Variants in BLOC1S3 observed in about 807,000 individuals in gnomAD.
BLOC1S3 encodes biogenesis of lysosomal organelles complex 1 subunit 3.
BLOC1S3 carries 7 observed loss-of-function variants against 9.1 expected under a neutral mutation model. The observed-to-expected ratio is 0.77, with a 90% CI of 0.44 to 1.45. BLOC1S3 has a LOEUF of 1.45. BLOC1S3 is among the 40% of genes most tolerant of loss of function. The pLI is 0.01. For synonymous variants in BLOC1S3, 145 were observed against 158.4 expected (o/e 0.92, Z 0.64); for missense variants, 307 against 315.2 (o/e 0.97, Z 0.20).
chr19:45,216,350 G>A (rs563377377), intron 3 of BLOC1S3, among the ~76,000 whole-genome samples: 8 of 152,224 alleles, frequency 5.3e-5, no homozygotes, highest in East Asian at 1.9e-4. Flanking sequence ...AGGCCGAGGC[G>A]GGTGGATCAC....
At chr19:45,215,889 AGCAGCGGCG>A (rs1442288022) in intron 3 of BLOC1S3, among the ~76,000 whole-genome samples, 1 of 152,154 alleles carries the variant, frequency 6.6e-6, no homozygotes, top group Non-Finnish European at 1.5e-5. Flanking sequence ...CGGCGGAGGC[AGCAGCGGCG>A]GCAGGAGAAG....
At position 45,180,003 on chromosome 19, in the gene BLOC1S3, C is replaced by A; in HGVS notation, c.*98C>A. ...CCTGTGTCTCTTATCACCCCCCACCCCCGCTCCCATCTTGGTGTCACCCAT... is the reference window on the plus strand; with the variant it reads ...CCTGTGTCTCTTATCACCCCCCACCACCGCTCCCATCTTGGTGTCACCCAT... On this transcript the variant is annotated 3_prime_UTR_variant, in exon 2 of 2. Coordinates refer to ENST00000433642, the MANE Select transcript of BLOC1S3 (RefSeq NM_212550.5). The A allele has an allele frequency of 7.1e-7, 1 of 1,411,490 alleles. No homozygotes were observed. The highest frequency in any genetic ancestry group is 9.6e-7 in the Non-Finnish European group (1 of 1,037,828). The allele number at this position is 1,411,490 out of a possible 1,614,324, so 87.4% of individuals were successfully genotyped here. A position where few individuals can be genotyped will look rare whatever the true frequency, so the allele number is the denominator to read the frequency against.
At chr19:45,195,078 C>T (rs191165182) in intron 2 of BLOC1S3, among the ~76,000 whole-genome samples, 7 of 151,908 alleles carry the variant, frequency 4.6e-5, no homozygotes, top group Admixed American at 3.3e-4. Context: ...TACAGGCATG[C>T]GCCAGCACGT....
At chr19:45,185,219 A>G (rs988034949), downstream of BLOC1S3, among the ~76,000 whole-genome samples, 5 of 152,154 alleles carry the variant, frequency 3.3e-5, no homozygotes, top group African/African-American at 1.2e-4. Flanking sequence ...ACTGCCTGGG[A>G]ACTGGTCTGT....
At chr19:45,208,998 G>C (rs1445188441) in intron 3 of BLOC1S3, among the ~76,000 whole-genome samples, 1 of 152,028 alleles carries the variant, frequency 6.6e-6, no homozygotes, top group Non-Finnish European at 1.5e-5. Context: ...TCAGTTAGGA[G>C]GAGTAAGTTC....
chr19:45,207,187 C>G (rs978355506), intron 3 of BLOC1S3, among the ~76,000 whole-genome samples: 1 of 151,526 alleles, frequency 6.6e-6, no homozygotes, highest in African/African-American at 2.4e-5. Context: ...GGCTGGAATG[C>G]AGTGGCACGA....
chr19:45,215,954 C>T (rs1230431672), intron 3 of BLOC1S3: 28 of 1,413,586 alleles, frequency 2.0e-5, no homozygotes, highest in East Asian at 4.8e-5. Flanking sequence ...AGGAAACGGC[C>T]GTCAGACACG....
downstream of BLOC1S3, among the ~76,000 whole-genome samples, chr19:45,182,888 G>A (rs1969536485): frequency 6.6e-6 from 1 of 152,126 alleles, no homozygotes; most frequent in Admixed American, 6.6e-5. Flanking sequence ...GGAGCTTTAT[G>A]AAGGTGGAGC....
At chr19:45,202,388 T>G (rs930639848) in intron 2 of BLOC1S3, 4 of 154,376 alleles carry the variant, frequency 2.6e-5, no homozygotes, top group Non-Finnish European at 4.3e-5. Context: ...CACTCTTCCC[T>G]CACTTTTCCT....
chr19:45,208,219 T>A lies in BLOC1S3; in HGVS notation n.282+5712T>A, dbSNP rs573737678. On this transcript the variant is annotated intron_variant and non_coding_transcript_variant, in intron 3 of 3. Coordinates refer to the BLOC1S3 transcript ENST00000591569. Reference sequence around the variant, plus strand: ...GAACTCCTGATCTCGTGATCTGCCCTCCTTGACCTCCCAAAGTGCTGGGAT... The same window carrying A: ...GAACTCCTGATCTCGTGATCTGCCCACCTTGACCTCCCAAAGTGCTGGGAT... Among the ~76,000 whole-genome samples the A allele has an allele frequency of 2.6e-5, 4 of 151,188 alleles. No homozygotes were observed. In the East Asian group the frequency reaches 8.0e-4, roughly 30 times the overall value.
chr19:45,197,906 G>A (rs891663901), intron 2 of BLOC1S3, among the ~76,000 whole-genome samples: 5 of 150,026 alleles, frequency 3.3e-5, no homozygotes, highest in African/African-American at 1.2e-4. Flanking sequence ...CCCTCCTGAA[G>A]CACTAGACAG....
At chr19:45,206,838 A>AC (rs1969731291) in intron 3 of BLOC1S3, among the ~76,000 whole-genome samples, 1 of 151,144 alleles carries the variant, frequency 6.6e-6, no homozygotes, top group South Asian at 2.1e-4. Context: ...TTGTTTTATT[A>AC]TTTTATTTAT....
intron 3 of BLOC1S3, among the ~76,000 whole-genome samples, chr19:45,203,285 T>G (rs573930621): frequency 1.1e-3 from 167 of 152,048 alleles, no homozygotes; most frequent in African/African-American, 2.0e-3. Flanking sequence ...TTTATTTATT[T>G]ATTTATTTGA....
rs71338753 is a variant in BLOC1S3, at chr19:45,189,596, C to CTT, written n.180+1873_180+1874dup. On this transcript the variant is annotated intron_variant and non_coding_transcript_variant, in intron 2 of 3. Transcript: ENST00000591569. The stretch of plus-strand genomic sequence containing the variant: ...TATAGGCATGTGCCACCAAGCCTGG[C>CTT]TTTTTTTTTTTTTTTTTTGGTATTT... Among the ~76,000 whole-genome samples the CTT allele has an allele frequency of 2.1e-3, 240 of 115,996 alleles. 2 individuals are homozygous for CTT. Among genetic ancestry groups the CTT allele is most frequent in the African/African-American group, 7.2e-3 (225 of 31,232 alleles). 76.1% of individuals were successfully genotyped at this position (115,996 alleles called of 152,430 possible). A position where few individuals can be genotyped will look rare whatever the true frequency, so the allele number is the denominator to read the frequency against.
Position 45,190,946 on chromosome 19 carries a change from C to T in BLOC1S3, n.180+3206C>T, listed in dbSNP as rs1165390505. On this transcript the variant is annotated intron_variant and non_coding_transcript_variant, in intron 2 of 3. Transcript: ENST00000591569. The stretch of plus-strand genomic sequence containing the variant: ...TCAGCCTCCTGAGTAGCTGGGACCA[C>T]AGGCACCCGACACCACGCCCGGCTA... Among the ~76,000 whole-genome samples the T allele has an allele frequency of 3.3e-5, 5 of 150,226 alleles. No individual in the cohort carries two copies. The East Asian group carries it at 7.8e-4, about 23-fold the overall frequency.
At chr19:45,185,838 G>A (rs1969562304), downstream of BLOC1S3, among the ~76,000 whole-genome samples, 1 of 151,998 alleles carries the variant, frequency 6.6e-6, no homozygotes, top group Non-Finnish European at 1.5e-5. Context: ...TGGGTCAGGT[G>A]CGGTGGCTCA....
chr19:45,200,748 G>A (rs2122925492), intron 2 of BLOC1S3, among the ~76,000 whole-genome samples: 1 of 152,314 alleles, frequency 6.6e-6, no homozygotes, highest in East Asian at 1.9e-4. Context: ...GATGAGTTCA[G>A]TGTTTATTGT....
intron 2 of BLOC1S3, among the ~76,000 whole-genome samples, chr19:45,199,309 C>CTTTTTTTTTTTTTTTTTTTTTTTTTTTTT (rs34967306): frequency 1.4e-5 from 1 of 72,472 alleles, no homozygotes; most frequent in Non-Finnish European, 2.5e-5. Flanking sequence ...GTGCCTTATT[C>CTTTTTTTTTTTTTTTTTTTTTTTTTTTTT]TTTTTTTTTT....
At chr19:45,207,637 T>C (rs1969737937) in intron 3 of BLOC1S3, among the ~76,000 whole-genome samples, 1 of 147,358 alleles carries the variant, frequency 6.8e-6, no homozygotes. Context: ...CTCGGGAGGC[T>C]GAGTCACGAG....
Sources: gnomAD v4.1 joint callset for allele counts (sites outside exome capture counted in the v4.1 genomes callset) on GRCh38, gnomAD v4.1.1 for gene constraint, MANE v1.5 for transcripts, NCBI Gene and HGNC (gene_info 2026-07-23, HGNC 2026-07-21) for gene names.